BAMBI: variants seen among roughly 807,000 people sequenced by gnomAD.
The protein encoded by BAMBI is BMP and activin membrane-bound inhibitor homolog.
BAMBI carries 21 observed loss-of-function variants against 24.1 expected under a neutral mutation model. That is an observed-to-expected ratio of 0.87 (90% CI 0.62 to 1.26). BAMBI has a LOEUF of 1.26. BAMBI is among the 50% of genes most tolerant of loss of function. BAMBI has a pLI of 0.00. For missense variants in BAMBI, 388 were observed against 329.1 expected, an observed-to-expected ratio of 1.18 and a Z score of -1.38; for synonymous variants, 156 against 123.1, an observed-to-expected ratio of 1.27 and a Z score of -1.77.
rs887733686 is a variant in BAMBI at position 28,677,539 on chromosome 10, G to C, written c.-359G>C. ...GAGACCTGGGCTGGCGCGGGCGGGA[G>C]CTGCGGCGGATACCCTTGCGTGCTG... is the stretch of plus-strand genomic sequence containing the variant. On this transcript the variant is annotated 5_prime_UTR_variant, in exon 1 of 3. Coordinates refer to ENST00000375533, the MANE Select transcript of BAMBI (RefSeq NM_012342.3). 3.7e-5 allele frequency: 6 copies of C among 163,288 alleles called. No homozygotes were observed. Among genetic ancestry groups the C allele is most frequent in the African/African-American group, 9.6e-5 (4 of 41,822 alleles). The allele number at this position is 163,288 out of a possible 1,614,324, so 10.1% of individuals were successfully genotyped here.
chr10:28,682,925 G>C lies in BAMBI; in HGVS notation c.*524G>C, dbSNP rs1834516944. 6.6e-6 allele frequency: 1 copy of C among 150,648 alleles called. No homozygotes were observed. The highest frequency in any genetic ancestry group is 2.1e-4 in the South Asian group (1 of 4,768). 9.3% of individuals were successfully genotyped at this position (150,648 alleles called of 1,614,324 possible). ...CTTTTTTAAACAAGACCAAGATCTTGCTTATTCTTCCATGTGCCTGTGTAA... is the reference window on the plus strand; with the variant it reads ...CTTTTTTAAACAAGACCAAGATCTTCCTTATTCTTCCATGTGCCTGTGTAA... On this transcript the variant is annotated 3_prime_UTR_variant, in exon 3 of 3. Coordinates refer to ENST00000375533, the MANE Select transcript of BAMBI (RefSeq NM_012342.3).
chr10:28,682,790 A>C lies in BAMBI; in HGVS notation c.*389A>C, dbSNP rs942008642. On this transcript the variant is annotated 3_prime_UTR_variant, in exon 3 of 3. Transcript: ENST00000375533. Reference sequence around the variant, plus strand: ...TGAAATTTAATAGTGTCTTTCATAAATTTAACTGGGAAACGTGAGACAGTA... The same window carrying C: ...TGAAATTTAATAGTGTCTTTCATAACTTTAACTGGGAAACGTGAGACAGTA... 3 of 160,652 alleles carry C rather than the reference A, an allele frequency of 1.9e-5. No homozygotes were observed. Among genetic ancestry groups the C allele is most frequent in the African/African-American group, 7.2e-5 (3 of 41,660 alleles). 10.0% of individuals were successfully genotyped at this position (160,652 alleles called of 1,614,324 possible).
chr10:28,682,673 A>G lies in BAMBI; in HGVS notation c.*272A>G, dbSNP rs1834512848. ...GTTATTTGCATCCAAGGGAGCTGGA[A>G]TTGAGTACCTAAATAAACAAAAATG... On this transcript the variant is annotated 3_prime_UTR_variant, in exon 3 of 3. Transcript: ENST00000375533. The G allele has an allele frequency of 3.1e-6, 1 of 326,534 alleles. No homozygotes were observed. Among genetic ancestry groups the G allele is most frequent in the Admixed American group, 4.3e-5 (1 of 23,102 alleles). 20.2% of individuals were successfully genotyped at this position (326,534 alleles called of 1,614,324 possible).
In BAMBI at chr10:28,682,349, C is replaced by T. The variant is rs778969354; in HGVS notation, c.731C>T (p.Ser244Leu). The change falls in exon 3 of 3, where the codon TCG (serine) becomes TTG (leucine). Residue 244 changes from serine (S) to leucine (L), a missense_variant. Coordinates refer to ENST00000375533, the MANE Select transcript of BAMBI (RefSeq NM_012342.3). Reference sequence around the variant, plus strand: ...GACCTCAGCAACGATAAGATCCTCTCGCTTGTTCACTGGGGCATGTACAGT... The same window carrying T: ...GACCTCAGCAACGATAAGATCCTCTTGCTTGTTCACTGGGGCATGTACAGT... ...QADLSNDKIL[S>L]LVHWGMYSGH... is the part of the protein sequence containing the mutation. The T allele has an allele frequency of 5.9e-5, 96 of 1,613,906 alleles. No individual in the cohort carries two copies. Among genetic ancestry groups the T allele is most frequent in the Non-Finnish European group, 7.1e-5 (84 of 1,180,022 alleles).
At chr10:28,681,775 T>C (rs1834500166) in intron 2 of BAMBI, 2 of 737,258 alleles carry the variant, frequency 2.7e-6, no homozygotes, top group Non-Finnish European at 4.3e-6. Flanking sequence ...TTGAAGACAT[T>C]AAAAGGCCAT....
Position 28,681,548 on chromosome 10 carries a change from A to G in BAMBI, c.364+3A>G. ...TCCTCCCAGGGGTGAGGCCTCAGGT[A>G]GGTGGAAGCCGTTTCTAACCAGAAT... On this transcript the variant is annotated splice_donor_region_variant and intron_variant, in intron 2 of 2. Coordinates refer to ENST00000375533, the MANE Select transcript of BAMBI (RefSeq NM_012342.3). 2.5e-6 allele frequency: 4 copies of G among 1,612,430 alleles called. No individual in the cohort carries two copies. Among genetic ancestry groups the G allele is most frequent in the Non-Finnish European group, 3.4e-6 (4 of 1,178,912 alleles).
At chr10:28,681,704 T>C (rs1160011987) in intron 2 of BAMBI, 159 bp downstream of exon 2, 1 of 848,822 alleles carries the variant, frequency 1.2e-6, no homozygotes, top group Non-Finnish European at 1.8e-6. Context: ...ATTGAGTGGC[T>C]TTTATGTCTG....
At chr10:28,678,098 A>C (rs1030753907) in intron 1 of BAMBI, 125 bp downstream of exon 1, 1 of 832,912 alleles carries the variant, frequency 1.2e-6, no homozygotes, top group East Asian at 3.3e-5. Flanking sequence ...GGTCGCGACA[A>C]GTTGCTGTGT....
chr10:28,681,719 T>C (rs1834499575), intron 2 of BAMBI, 174 bp downstream of exon 2: 5 of 788,552 alleles, frequency 6.3e-6, no homozygotes, highest in Non-Finnish European at 9.9e-6. Flanking sequence ...TGTCTGAGCA[T>C]TAGATGTCTG....
intron 1 of BAMBI, among the ~76,000 whole-genome samples, chr10:28,678,998 T>C (rs1834468612): frequency 6.6e-6 from 1 of 152,244 alleles, no homozygotes; most frequent in Non-Finnish European, 1.5e-5. Flanking sequence ...GTTTAGTCTT[T>C]GCAGCCCCCT....
intron 1 of BAMBI, 43 bp from the exon 2 acceptor site, chr10:28,681,215 G>A: frequency 6.3e-7 from 1 of 1,585,210 alleles, no homozygotes; most frequent in African/African-American, 1.3e-5. Context: ...TGCTTTATCT[G>A]GTCTCTGGAG....
intron 2 of BAMBI, 21 bp downstream of exon 2, chr10:28,681,566 A>AC: frequency 6.2e-7 from 1 of 1,609,040 alleles, no homozygotes; most frequent in Non-Finnish European, 8.5e-7. Flanking sequence ...GCCGTTTCTA[A>AC]CCAGAATGCC....
Position 28,681,269 on chromosome 10 carries a change from TGC to T in BAMBI, c.89_90del (p.Cys30LeufsTer3). The stretch of plus-strand genomic sequence containing the variant: ...CTCATTGTTTTCAGGTGAAATTCGA[TGC>T]TACTGTGATGCTGCCCACTGTGTAG... The part of the protein sequence containing the change: ...AVLLTKGEIR[C>X]YCDAAHCVAT... On this transcript the variant is annotated frameshift_variant, in exon 2 of 3. Transcript: ENST00000375533. LOFTEE classifies it high-confidence loss of function. 1 of 1,611,740 alleles carries T rather than the reference TGC, an allele frequency of 6.2e-7. No individual in the cohort carries two copies. Among genetic ancestry groups the T allele is most frequent in the Non-Finnish European group, 8.5e-7 (1 of 1,179,384 alleles).
At position 28,677,673 on chromosome 10, in the gene BAMBI, G is replaced by A. The variant is rs1834450669; in HGVS notation, c.-225G>A. The A allele has an allele frequency of 7.5e-6, 2 of 266,918 alleles. No homozygotes were observed. Among genetic ancestry groups the A allele is most frequent in the East Asian group, 7.0e-5 (1 of 14,348 alleles). 16.5% of individuals were successfully genotyped at this position (266,918 alleles called of 1,614,324 possible). On this transcript the variant is annotated 5_prime_UTR_variant, in exon 1 of 3. Transcript: ENST00000375533. ...CGTCCCTAGAGTCGAGCGGGGCAAG[G>A]GAGCCAGTGGCCGCCGACGGGGGAC...
chr10:28,677,855 G>T lies in BAMBI; in HGVS notation c.-43G>T. On this transcript the variant is annotated 5_prime_UTR_variant, in exon 1 of 3. Coordinates refer to ENST00000375533, the MANE Select transcript of BAMBI (RefSeq NM_012342.3). ...GGTCGTAGGCTGCCGCCGAGCCGGG[G>T]CTCCGGAAGCCGGCGGGGGCGCCGC... 3.4e-6 allele frequency: 5 copies of T among 1,467,178 alleles called. No individual in the cohort carries two copies. The highest frequency in any genetic ancestry group is 4.5e-6 in the Non-Finnish European group (5 of 1,108,916). The allele number at this position is 1,467,178 out of a possible 1,614,324, so 90.9% of individuals were successfully genotyped here. A position where few individuals can be genotyped will look rare whatever the true frequency, so the allele number is the denominator to read the frequency against.
rs780093557 is a variant in BAMBI, at chr10:28,682,423, C to G, written c.*22C>G. 1 of 1,589,410 alleles carries G rather than the reference C, an allele frequency of 6.3e-7. No individual in the cohort carries two copies. Among genetic ancestry groups the G allele is most frequent in the Non-Finnish European group, 8.6e-7 (1 of 1,163,008 alleles). On this transcript the variant is annotated 3_prime_UTR_variant, in exon 3 of 3. Transcript: ENST00000375533. The stretch of plus-strand genomic sequence containing the variant: ...ATGACGGAGTCTTATCTGAACTACA[C>G]TTACTGAACAGCTTGAAGGCCTTTT...
chr10:28,678,471 ATC>A (rs1008730609), intron 1 of BAMBI, among the ~76,000 whole-genome samples: 7 of 151,960 alleles, frequency 4.6e-5, no homozygotes, highest in Admixed American at 2.0e-4. Flanking sequence ...CACTCAGCGT[ATC>A]TCTGTGTCTC....
At chr10:28,681,218 C>T (rs2132946184) in intron 1 of BAMBI, 40 bp from the exon 2 acceptor site, 1 of 1,589,934 alleles carries the variant, frequency 6.3e-7, no homozygotes, top group Non-Finnish European at 8.5e-7. Context: ...TTTATCTGGT[C>T]TCTGGAGCAG....
intron 1 of BAMBI, among the ~76,000 whole-genome samples, chr10:28,679,803 G>A (rs1008790817): frequency 2.0e-4 from 31 of 152,200 alleles, no homozygotes; most frequent in Non-Finnish European, 3.8e-4. Flanking sequence ...GGAAAATAAA[G>A]TGAGCTTGGA....
Sources: allele counts gnomAD v4.1 joint callset (sites outside exome capture counted in the v4.1 genomes callset), GRCh38; gene constraint gnomAD v4.1.1; transcripts MANE v1.5; gene names NCBI Gene and HGNC (gene_info 2026-07-23, HGNC 2026-07-21).